Variants in TRRAP observed in about 807,000 individuals in gnomAD.
The protein encoded by TRRAP is transformation/transcription domain associated protein.
Under a neutral mutation model 438.8 loss-of-function variants are expected in TRRAP, and 41 were observed. That is an observed-to-expected ratio of 0.09 (90% CI 0.07 to 0.12). The LOEUF is 0.12. Ranked by LOEUF, TRRAP falls within the 10% of genes least tolerant of loss-of-function variation. The probability of loss-of-function intolerance (pLI) is 1.00; values close to 1 mark genes in which losing one functional copy is unlikely to be tolerated. For synonymous variants in TRRAP, 1,994 were observed against 1,962.9 expected (o/e 1.02, Z -0.42); for missense variants, 3,122 against 5,055.1 (o/e 0.62, Z 11.60).
intron 13 of TRRAP, among the ~76,000 whole-genome samples, chr7:98,906,680 GC>G (rs1387920093): frequency 2.5e-4 from 38 of 151,972 alleles, no homozygotes; most frequent in Non-Finnish European, 3.7e-4. Context: ...TGATCTGCCT[GC>G]CTCAGCCTCC....
intron 19 of TRRAP, 101 bp from the exon 20 acceptor site, chr7:98,917,322 G>A (rs1465150301): frequency 1.3e-6 from 2 of 1,488,078 alleles, no homozygotes; most frequent in South Asian, 1.3e-5. Flanking sequence ...CAGTTGTGCT[G>A]ATGTGCACAA....
chr7:99,001,396 C>T (rs189024884), intron 67 of TRRAP, among the ~76,000 whole-genome samples: 5 of 151,996 alleles, frequency 3.3e-5, no homozygotes, highest in South Asian at 2.1e-4. Flanking sequence ...CGGAAGAGTC[C>T]GAGATGAAAG....
intron 62 of TRRAP, among the ~76,000 whole-genome samples, chr7:98,985,581 C>CCAA (rs1793114558): frequency 6.6e-6 from 1 of 152,176 alleles, no homozygotes; most frequent in Non-Finnish European, 1.5e-5. Context: ...GGAAAGGTTG[C>CCAA]CAAACCCTGG....
intron 1 of TRRAP, among the ~76,000 whole-genome samples, chr7:98,879,926 C>G (rs977573888): frequency 6.5e-4 from 99 of 152,186 alleles, no homozygotes; most frequent in African/African-American, 2.3e-3. Flanking sequence ...ATGAAACCAC[C>G]TGTTAGTGCA....
chr7:98,953,091 T>A, intron 39 of TRRAP, 76 bp from the exon 40 acceptor site: 11 of 1,485,130 alleles, frequency 7.4e-6, no homozygotes, highest in Non-Finnish European at 1.0e-5. Context: ...TTTTAAGGCT[T>A]AAACCTGTCG....
At chr7:98,968,273 C>T (rs921677321) in intron 51 of TRRAP, among the ~76,000 whole-genome samples, 3 of 152,146 alleles carry the variant, frequency 2.0e-5, no homozygotes, top group Non-Finnish European at 4.4e-5. Flanking sequence ...ACTTCCTCGG[C>T]CTCCCAAAAT....
chr7:98,928,986 G>A (rs1205797037), intron 23 of TRRAP, among the ~76,000 whole-genome samples: 4 of 150,620 alleles, frequency 2.7e-5, no homozygotes, highest in African/African-American at 7.4e-5. Flanking sequence ...CGCCCAGGCT[G>A]GAGTGCAGTG....
chr7:98,911,954 TACTACTTTGTCTTAAA>T, intron 17 of TRRAP, 52 bp from the exon 18 acceptor site: 2 of 1,402,382 alleles, frequency 1.4e-6, no homozygotes, highest in Non-Finnish European at 9.8e-7. Context: ...TTTGAAAGCT[TACTACTTTGTCTTAAA>T]ACTGCTTTGG....
Position 98,881,116 on chromosome 7 carries a change from T to C in TRRAP, c.-35T>C, listed in dbSNP as rs1795407987. The C allele has an allele frequency of 6.3e-7, 1 of 1,586,692 alleles. No homozygotes were observed. The highest frequency in any genetic ancestry group is 1.4e-5 in the African/African-American group (1 of 73,912). On this transcript the variant is annotated 5_prime_UTR_variant, in exon 2 of 73. Transcript: ENST00000456197. The stretch of plus-strand genomic sequence containing the variant: ...CTGGTTGAACTCATGGACCTGATAC[T>C]TTTCTCTTGAGAAGCAAACCAGCCC...
rs1790656505 is a variant in TRRAP at position 98,938,530 on chromosome 7, A to G, written c.4404+710A>G. 2.1e-5 allele frequency among the ~76,000 whole-genome samples: 3 copies of G among 143,862 alleles called. No homozygotes were observed. The South Asian group carries it at 7.4e-4, about 35-fold the overall frequency. 94.4% of individuals were successfully genotyped at this position (143,862 alleles called of 152,430 possible). A position where few individuals can be genotyped will look rare whatever the true frequency, so the allele number is the denominator to read the frequency against. On this transcript the variant is annotated intron_variant, in intron 30 of 72. Coordinates refer to ENST00000456197, the MANE Select transcript of TRRAP (RefSeq NM_001375524.1). ...TATATATGTAAGAGGACATATGTGT[A>G]TATATTTTTTCCTATAAAAGGGGGT... is the stretch of plus-strand genomic sequence containing the variant.
In TRRAP at chr7:98,917,649, C is replaced by T. The variant is rs1789569674; in HGVS notation, c.2592C>T (p.His864=). The part of the protein sequence containing the change: ...DNLQPDFLYD[H]IQPVRAELMQ... The stretch of plus-strand genomic sequence containing the variant: ...TGCAGCCCGACTTCCTCTACGACCA[C>T]ATCCAGCCGGTGCGCGCAGAGCTCA... The change falls in exon 20 of 73, where the codon CAC becomes CAT. Residue 864 remains histidine, a synonymous_variant. Coordinates refer to ENST00000456197, the MANE Select transcript of TRRAP (RefSeq NM_001375524.1). The T allele has an allele frequency of 1.9e-6, 3 of 1,614,224 alleles. No homozygotes were observed. Among genetic ancestry groups the T allele is most frequent in the Non-Finnish European group, 2.5e-6 (3 of 1,180,052 alleles).
At chr7:98,957,760 A>AT (rs540830885) in intron 43 of TRRAP, among the ~76,000 whole-genome samples, 131 of 152,150 alleles carry the variant, frequency 8.6e-4, no homozygotes, top group African/African-American at 3.0e-3. Flanking sequence ...TTTGTTCCCC[A>AT]TCACATGAGC....
intron 23 of TRRAP, among the ~76,000 whole-genome samples, chr7:98,928,904 G>T (rs1158879427): frequency 6.6e-6 from 1 of 150,792 alleles, no homozygotes; most frequent in African/African-American, 2.4e-5. Context: ...CTCTTGAGTA[G>T]CTGGGACTAC....
chr7:98,913,475 G>C (rs1789376106), intron 18 of TRRAP, among the ~76,000 whole-genome samples: 4 of 152,024 alleles, frequency 2.6e-5, no homozygotes, highest in African/African-American at 4.8e-5. Context: ...TTTTAGTGGA[G>C]ATGGGGTTTC....
chr7:98,901,092 A>G (rs1460826054), intron 11 of TRRAP, among the ~76,000 whole-genome samples: 3 of 152,234 alleles, frequency 2.0e-5, no homozygotes, highest in African/African-American at 7.2e-5. Flanking sequence ...ATTGCTGTGT[A>G]GTTGTCTTTG....
chr7:98,918,461 C>T (rs1379852759), intron 20 of TRRAP, among the ~76,000 whole-genome samples: 1 of 151,680 alleles, frequency 6.6e-6, no homozygotes, highest in African/African-American at 2.4e-5. Context: ...AACTCCTGAC[C>T]TCATGATCCG....
intron 14 of TRRAP, 50 bp downstream of exon 14, chr7:98,909,012 T>G: frequency 2.8e-6 from 4 of 1,414,802 alleles, no homozygotes; most frequent in Admixed American, 2.5e-5. Context: ...ATCCTGTTTG[T>G]GGCTAAATTT....
In TRRAP at chr7:99,005,070, T is replaced by A; in HGVS notation, c.10536-61T>A. On this transcript the variant is annotated intron_variant, in intron 68 of 72. Coordinates refer to ENST00000456197, the MANE Select transcript of TRRAP (RefSeq NM_001375524.1). This position sits in a 1 kb window ranked among gnomAD's most constrained non-coding sequence, Gnocchi z 5.1. ...CAGTTCGGACATTCCTAGCTTCTTC[T>A]CAAGACAAGGACTGGTAGCAGAGAT... is the stretch of plus-strand genomic sequence containing the variant. The A allele has an allele frequency of 6.4e-7, 1 of 1,554,076 alleles. No individual in the cohort carries two copies. Among genetic ancestry groups the A allele is most frequent in the Non-Finnish European group, 8.8e-7 (1 of 1,131,096 alleles).
chr7:98,982,086 T>A, intron 59 of TRRAP, 126 bp downstream of exon 59: 1 of 971,054 alleles, frequency 1.0e-6, no homozygotes, highest in Non-Finnish European at 1.4e-6. Flanking sequence ...TGTCTTGTCC[T>A]CTCCCACTTA....
Sources: gnomAD v4.1 joint callset for allele counts (sites outside exome capture counted in the v4.1 genomes callset) on GRCh38, gnomAD v4.1.1 for gene constraint, Gnocchi (gnomAD v3.1) non-coding constraint, MANE v1.5 for transcripts, NCBI Gene and HGNC (gene_info 2026-07-23, HGNC 2026-07-21) for gene names.